Variants in MYO15A observed in about 807,000 individuals in gnomAD.
MYO15A encodes the protein unconventional myosin-XV.
A neutral mutation model predicts 394.6 loss-of-function variants in MYO15A; 308 were observed. The observed-to-expected ratio is 0.78, with a 90% CI of 0.71 to 0.86. MYO15A has a LOEUF of 0.86. Ranked by LOEUF, MYO15A falls within the 40% of genes least tolerant of loss-of-function variation. The pLI is 0.00. For synonymous variants in MYO15A, 1,957 were observed against 2,003.8 expected, an observed-to-expected ratio of 0.98 and a Z score of 0.62; for missense variants, 4,606 against 4,799.1, an observed-to-expected ratio of 0.96 and a Z score of 1.19.
chr17:18,165,976 T>C (rs2046848213), intron 60 of MYO15A, among the ~76,000 whole-genome samples: 1 of 152,226 alleles, frequency 6.6e-6, no homozygotes, highest in Admixed American at 6.5e-5. Flanking sequence ...CTCTTGTGTT[T>C]GTCCTTGTTC....
At chr17:18,167,120 G>T (rs778113089) in intron 61 of MYO15A, among the ~76,000 whole-genome samples, 1 of 152,242 alleles carries the variant, frequency 6.6e-6, no homozygotes, top group African/African-American at 2.4e-5. Context: ...GCATGGCCCT[G>T]TGCAGTCCAG....
At chr17:18,167,546 A>C in intron 61 of MYO15A, 44 bp from the exon 62 acceptor site, 3 of 1,599,308 alleles carry the variant, frequency 1.9e-6, no homozygotes, top group Non-Finnish European at 1.7e-6. Context: ...AAGTGCCTGC[A>C]CGCGTGCCTG....
rs151168730 is a variant in MYO15A, at chr17:18,128,858, G to A, written c.4032+1693G>A. The stretch of plus-strand genomic sequence containing the variant: ...GCTGTCAGGGAGGACGGATGGAGCT[G>A]TGGATGTGGCTGAGTCTGGGAGTTT... On this transcript the variant is annotated intron_variant, in intron 7 of 65. Coordinates refer to ENST00000647165, the MANE Select transcript of MYO15A (RefSeq NM_016239.4). Among the ~76,000 whole-genome samples the A allele has an allele frequency of 2.9e-4, 44 of 152,224 alleles. No homozygotes were observed. The East Asian group carries it at 7.3e-3, about 25-fold the overall frequency.
intron 48 of MYO15A, among the ~76,000 whole-genome samples, 185 bp downstream of exon 48, chr17:18,156,521 C>T (rs2046678376): frequency 6.6e-6 from 1 of 152,252 alleles, no homozygotes; most frequent in East Asian, 1.9e-4. Context: ...AAACCTTTGC[C>T]AGTGCCCCCT....
chr17:18,161,585 C>T lies in MYO15A; in HGVS notation c.9517+138C>T, dbSNP rs961774435. ...AATGTTTACCAATATTAATATACTC[C>T]CCAAACATTTGTTAAGGTTTCACAG... On this transcript the variant is annotated intron_variant, in intron 57 of 65. Coordinates refer to ENST00000647165, the MANE Select transcript of MYO15A (RefSeq NM_016239.4). 3.0e-6 allele frequency: 4 copies of T among 1,332,460 alleles called. No homozygotes were observed. The African/African-American group carries it at 5.8e-5, about 19-fold the overall frequency. The allele number at this position is 1,332,460 out of a possible 1,614,324, so 82.5% of individuals were successfully genotyped here.
At chr17:18,144,892 G>A (rs1444824667) in intron 29 of MYO15A, among the ~76,000 whole-genome samples, 2 of 152,136 alleles carry the variant, frequency 1.3e-5, no homozygotes, top group Non-Finnish European at 2.9e-5. Flanking sequence ...GTCTGAAGGG[G>A]GAGGCAGAGT....
chr17:18,151,820 C>A, intron 40 of MYO15A, 26 bp from the exon 41 acceptor site: 1 of 1,557,034 alleles, frequency 6.4e-7, no homozygotes, highest in Non-Finnish European at 8.7e-7. Context: ...CAGTGTCAAC[C>A]CACCACAGTA....
rs1597747492 is a variant in MYO15A, at chr17:18,119,019, G to A, written c.219G>A (p.Lys73=). ...LHTGPQKTKR[K]RKARTVLKST... ...CCGGCCCCCAGAAGACCAAGCGCAA[G>A]AGGAAGGCCCGCACCGTGCTCAAGT... Residue 73 remains lysine, a synonymous_variant, in exon 2 of 66, where the codon AAG becomes AAA. Transcript: ENST00000647165. The A allele has an allele frequency of 1.2e-6, 2 of 1,612,698 alleles. No homozygotes were observed. Among genetic ancestry groups the A allele is most frequent in the South Asian group, 1.1e-5 (1 of 91,026 alleles).
chr17:18,156,482 C>G lies in MYO15A; in HGVS notation c.8601+146C>G, dbSNP rs552881862. The stretch of plus-strand genomic sequence containing the variant: ...TGGCTGTGCCTTCCACTTGGAATAC[C>G]CTTTCTCCCTTTTGCCTGCTCCTTC... On this transcript the variant is annotated intron_variant, in intron 48 of 65. Coordinates refer to ENST00000647165, the MANE Select transcript of MYO15A (RefSeq NM_016239.4). 8.5e-5 allele frequency: 84 copies of G among 982,912 alleles called. No individual in the cohort carries two copies. The East Asian group carries it at 1.9e-3, about 22-fold the overall frequency. The allele number at this position is 982,912 out of a possible 1,614,324, so 60.9% of individuals were successfully genotyped here. A position where few individuals can be genotyped will look rare whatever the true frequency, so the allele number is the denominator to read the frequency against.
rs964336018 is a variant in MYO15A at position 18,120,521 on chromosome 17, G to T, written c.1721G>T (p.Arg574Leu). Residue 574 changes from arginine (R) to leucine (L), a missense_variant, in exon 2 of 66, where the codon CGG becomes CTG. Transcript: ENST00000647165. ...CCTCGCCCTGCCACCTCGCTTGCGC[G>T]GTTCCTCAAGAAGACGCTGTCGGAG... ...PVPRPATSLARFLKKTLSEKK... is the reference protein window; with the variant it reads ...PVPRPATSLALFLKKTLSEKK... 1 of 1,588,676 alleles carries T rather than the reference G, an allele frequency of 6.3e-7. No individual in the cohort carries two copies. Among genetic ancestry groups the T allele is most frequent in the Non-Finnish European group, 8.5e-7 (1 of 1,170,608 alleles).
At position 18,159,010 on chromosome 17, in the gene MYO15A, G is replaced by A. The variant is rs780530630; in HGVS notation, c.9156+13G>A. On this transcript the variant is annotated intron_variant, in intron 53 of 65. Coordinates refer to ENST00000647165, the MANE Select transcript of MYO15A (RefSeq NM_016239.4). Reference sequence around the variant, plus strand: ...TTGCTTCACCAAGGTGTCCAGTCCCGGACCTCAGTTTCCCCATCTGTAAAA... The same window carrying A: ...TTGCTTCACCAAGGTGTCCAGTCCCAGACCTCAGTTTCCCCATCTGTAAAA... 8.1e-6 allele frequency: 13 copies of A among 1,612,750 alleles called. No individual in the cohort carries two copies. Among genetic ancestry groups the A allele is most frequent in the South Asian group, 2.2e-5 (2 of 90,948 alleles).
chr17:18,122,278 C>T lies in MYO15A; in HGVS notation c.3478C>T (p.Arg1160Trp), dbSNP rs533897442. ...TCTTCGCTGGTCCTGCCTCTGGCTT[C>T]GGGCAGATGCCTATGGACCCTGGCC... The part of the protein sequence containing the change: ...CSLRWSCLWL[R>W]ADAYGPWPRV... Residue 1160 changes from arginine to tryptophan, a missense_variant, in exon 2 of 66, where the codon CGG (arginine) becomes TGG (tryptophan). Physicochemically the swap from Arg to Trp is moderately radical, Grantham distance 101 (BLOSUM62 -3). Around this residue, in one of 2 missense-constraint regions of MYO15A, gnomAD observed 1,830 missense variants for 1,689.7 expected, o/e 1.08. Transcript: ENST00000647165. The T allele has an allele frequency of 3.3e-5, 53 of 1,612,936 alleles. No homozygotes were observed. Among genetic ancestry groups the T allele is most frequent in the Admixed American group, 5.0e-5 (3 of 60,006 alleles).
intron 19 of MYO15A, 142 bp downstream of exon 19, chr17:18,139,753 A>C: frequency 3.1e-6 from 3 of 982,426 alleles, no homozygotes; most frequent in Non-Finnish European, 4.6e-6. Flanking sequence ...GGTGGCCTGG[A>C]CACCCTGTTC....
Position 18,161,411 on chromosome 17 carries a change from C to G in MYO15A, c.9481C>G (p.Gln3161Glu). The change falls in exon 57 of 66, where the codon CAA (glutamine) becomes GAA (glutamate). Residue 3161 changes from glutamine to glutamate, a missense_variant. Physicochemically the swap from Gln to Glu is conservative, Grantham distance 29. Around this residue, in one of 2 missense-constraint regions of MYO15A, gnomAD observed 2,776 missense variants for 3,109.3 expected, o/e 0.89. Coordinates refer to ENST00000647165, the MANE Select transcript of MYO15A (RefSeq NM_016239.4). ...CCACCCACACCTCACTCGCTTCCTC[C>G]AAGACGTGAGCCGGACCCCAGGCCT... ...VLHPHLTRFLQDVSRTPGLPF... is the reference protein window; with the variant it reads ...VLHPHLTRFLEDVSRTPGLPF... The G allele has an allele frequency of 6.2e-7, 1 of 1,614,066 alleles. No homozygotes were observed.
At chr17:18,141,216 C>G (rs1597792494) in intron 22 of MYO15A, 73 bp downstream of exon 22, 3 of 1,603,118 alleles carry the variant, frequency 1.9e-6, no homozygotes, top group Non-Finnish European at 1.7e-6. Context: ...GAATACACAA[C>G]CCAGGCAGTA....
At chr17:18,173,717 G>A (rs1205575768) in intron 64 of MYO15A, 64 bp from the exon 65 acceptor site, 2 of 1,607,784 alleles carry the variant, frequency 1.2e-6, no homozygotes, top group East Asian at 4.5e-5. Flanking sequence ...GCAGGGCAGG[G>A]GTAAGAGTGG....
intron 1 of MYO15A, among the ~76,000 whole-genome samples, chr17:18,116,919 CAAAA>C (rs772914615): frequency 1.1e-5 from 1 of 87,082 alleles, no homozygotes; most frequent in East Asian, 5.9e-4. Flanking sequence ...GACTCTGTCT[CAAAA>C]AAAAAAAAAG....
intron 2 of MYO15A, 23 bp downstream of exon 2, chr17:18,122,432 GAGGGTTTGA>G: frequency 6.2e-7 from 1 of 1,604,230 alleles, no homozygotes; most frequent in African/African-American, 1.3e-5. Context: ...AGATTACACG[GAGGGTTTGA>G]GGGTTCTGGC....
chr17:18,148,101 G>A lies in MYO15A; in HGVS notation c.6582G>A (p.Arg2194=), dbSNP rs765521097. The A allele has an allele frequency of 1.1e-5, 17 of 1,613,950 alleles. No individual in the cohort carries two copies. Among genetic ancestry groups the A allele is most frequent in the Non-Finnish European group, 1.4e-5 (17 of 1,180,050 alleles). ...ACCGCCTCATGCAGGCCATGGGCCG[G>A]GCCCAACAGCAGGGCTCGGGGGCTG... ...CQHRLMQAMG[R]AQQQGSGAAR... Residue 2194 remains arginine (R), a synonymous_variant, in exon 31 of 66, where the codon CGG becomes CGA. Transcript: ENST00000647165. The surrounding 1 kb of genome is among the most constrained non-coding windows in gnomAD (Gnocchi z 4.8).
Sources: gnomAD v4.1 joint callset for allele counts (sites outside exome capture counted in the v4.1 genomes callset) on GRCh38, gnomAD v4.1.1 for gene constraint, gnomAD v4.1.1 regional missense constraint, Gnocchi (gnomAD v3.1) non-coding constraint, MANE v1.5 for transcripts, NCBI Gene and HGNC (gene_info 2026-07-23, HGNC 2026-07-21) for gene names.